Variants in LEPR observed in about 807,000 individuals in gnomAD.
The protein encoded by LEPR is OB receptor.
LEPR carries 56 observed loss-of-function variants against 114.7 expected under a neutral mutation model. The observed-to-expected ratio is 0.49, with a 90% CI of 0.39 to 0.61. LEPR has a LOEUF of 0.61. Among genes scored for constraint, LEPR ranks in the 20% least tolerant of loss-of-function variants. LEPR has a pLI of 0.00. For missense variants in LEPR, 1,202 were observed against 1,352.9 expected (o/e 0.89, Z 1.75); for synonymous variants, 443 against 461.4 (o/e 0.96, Z 0.51).
At chr1:65,496,140 G>A (rs1648142577) in intron 2 of LEPR, among the ~76,000 whole-genome samples, 1 of 151,988 alleles carries the variant, frequency 6.6e-6, no homozygotes. Context: ...GTATATACTT[G>A]TATCAAAATA....
chr1:65,579,741 T>C (rs11208675), intron 5 of LEPR, among the ~76,000 whole-genome samples: 1 of 151,914 alleles, frequency 6.6e-6, no homozygotes, highest in Non-Finnish European at 1.5e-5. Context: ...ATGTGTAAGG[T>C]CTTAAATTCT....
chr1:65,637,051 G>A lies in LEPR; in HGVS notation c.*36G>A. 1.3e-6 allele frequency: 2 copies of A among 1,592,990 alleles called. No homozygotes were observed. The highest frequency in any genetic ancestry group is 1.7e-4 in the Middle Eastern group (1 of 6,018). On this transcript the variant is annotated 3_prime_UTR_variant, in exon 20 of 20. Transcript: ENST00000349533. ...GAAACCTTCAGATTTGTGTTATAAT[G>A]GGTAATATAAAGTGTAATAGATTAT... is the stretch of plus-strand genomic sequence containing the variant.
At chr1:65,429,758 C>T in intron 2 of LEPR, 3 of 1,007,228 alleles carry the variant, frequency 3.0e-6, no homozygotes, top group Non-Finnish European at 4.2e-6. Context: ...AATTTTTTGA[C>T]CTAAACATTT....
At chr1:65,605,009 C>A in intron 10 of LEPR, 29 bp from the exon 11 acceptor site, 1 of 1,606,750 alleles carries the variant, frequency 6.2e-7, no homozygotes, top group Non-Finnish European at 8.5e-7. Context: ...TTAATGTATA[C>A]TAATTGACTA....
intron 19 of LEPR, among the ~76,000 whole-genome samples, chr1:65,631,088 G>A (rs114094602): frequency 0.012 from 1,828 of 152,190 alleles, 36 homozygotes; most frequent in African/African-American, 0.042. Flanking sequence ...GGCAGGGATT[G>A]TTGCCCTGGG....
intron 5 of LEPR, among the ~76,000 whole-genome samples, chr1:65,578,548 A>T (rs1654759334): frequency 6.6e-6 from 1 of 152,134 alleles, no homozygotes; most frequent in African/African-American, 2.4e-5. Flanking sequence ...AAAAGGAGAC[A>T]GTCTTATTCT....
chr1:65,537,338 C>T (rs940965006), intron 2 of LEPR, among the ~76,000 whole-genome samples: 5 of 152,134 alleles, frequency 3.3e-5, no homozygotes, highest in African/African-American at 1.2e-4. Context: ...AAACCAGTAG[C>T]CCTCTGCTCT....
rs3790438 is a variant in LEPR, at chr1:65,619,842, T to A, written c.2396-86T>A. The A allele has an allele frequency of 0.17, 172,269 of 1,018,134 alleles. 15,244 individuals carry two copies. The highest frequency in any genetic ancestry group is 0.26 in the Middle Eastern group (919 of 3,482). 63.1% of individuals were successfully genotyped at this position (1,018,134 alleles called of 1,614,324 possible). On this transcript the variant is annotated intron_variant, in intron 16 of 19. Transcript: ENST00000349533. The stretch of plus-strand genomic sequence containing the variant: ...TTCTATGTTTGGAAATATATGATAG[T>A]CACTTTAATTCTTTTTTAAAATGTA...
intron 2 of LEPR, chr1:65,526,430 G>C (rs1649977873): frequency 2.0e-6 from 2 of 984,948 alleles, no homozygotes; most frequent in Admixed American, 6.2e-5. Context: ...GGAATCATTT[G>C]GGAACCGCAG....
At chr1:65,630,684 G>A (rs917211921) in intron 19 of LEPR, among the ~76,000 whole-genome samples, 4 of 148,226 alleles carry the variant, frequency 2.7e-5, no homozygotes, top group African/African-American at 7.5e-5. Flanking sequence ...TCATATTTTC[G>A]GTTTCTTTGT....
At chr1:65,544,553 A>C (rs1010072238) in intron 2 of LEPR, among the ~76,000 whole-genome samples, 1 of 151,984 alleles carries the variant, frequency 6.6e-6, no homozygotes, top group Non-Finnish European at 1.5e-5. Flanking sequence ...GCTTTTGCCC[A>C]TTCAGTATGA....
intron 5 of LEPR, among the ~76,000 whole-genome samples, chr1:65,589,065 C>A (rs1436788973): frequency 6.6e-6 from 1 of 152,086 alleles, no homozygotes; most frequent in Non-Finnish European, 1.5e-5. Context: ...TCCACATCTT[C>A]ACCAATACTT....
chr1:65,508,195 A>G (rs1648853596), intron 2 of LEPR, among the ~76,000 whole-genome samples: 1 of 152,172 alleles, frequency 6.6e-6, no homozygotes, highest in African/African-American at 2.4e-5. Flanking sequence ...AGTTTGACGC[A>G]ATCCCATCTG....
chr1:65,470,995 G>A (rs974564301), intron 2 of LEPR, among the ~76,000 whole-genome samples: 1 of 152,170 alleles, frequency 6.6e-6, no homozygotes, highest in Non-Finnish European at 1.5e-5. Flanking sequence ...GCTTCTGAAG[G>A]CAGTTTCCCT....
At chr1:65,544,785 A>C (rs1384537625) in intron 2 of LEPR, among the ~76,000 whole-genome samples, 1 of 151,232 alleles carries the variant, frequency 6.6e-6, no homozygotes, top group East Asian at 1.9e-4. Flanking sequence ...AACATTGATA[A>C]ACTTTATTTT....
At position 65,480,921 on chromosome 1, in the gene LEPR, C is replaced by A. The variant is rs549340909; in HGVS notation, c.-21+55543C>A. Among the ~76,000 whole-genome samples the A allele has an allele frequency of 6.6e-5, 10 of 152,264 alleles. No homozygotes were observed. In the South Asian group the frequency reaches 2.1e-3, roughly 32 times the overall value. On this transcript the variant is annotated intron_variant, in intron 2 of 19. Transcript: ENST00000349533. ...ATGTTTTGAACAACTAGCTTACACTCCAATAAATACGTATATATTAGTTTC... is the reference window on the plus strand; with the variant it reads ...ATGTTTTGAACAACTAGCTTACACTACAATAAATACGTATATATTAGTTTC...
intron 12 of LEPR, 71 bp downstream of exon 12, chr1:65,608,972 A>G: frequency 6.4e-7 from 1 of 1,570,338 alleles, no homozygotes; most frequent in South Asian, 1.1e-5. Context: ...GTTTAATTGC[A>G]TTAGATTAAT....
intron 2 of LEPR, among the ~76,000 whole-genome samples, chr1:65,476,320 A>G (rs1215451095): frequency 2.0e-5 from 3 of 151,982 alleles, no homozygotes; most frequent in African/African-American, 4.8e-5. Flanking sequence ...ACATGCTTTT[A>G]GTGGTGGTTA....
intron 2 of LEPR, among the ~76,000 whole-genome samples, chr1:65,515,652 G>A (rs1570591407): frequency 2.0e-5 from 3 of 152,184 alleles, no homozygotes. Flanking sequence ...TAGAGTGTTC[G>A]TTTGTTCTGT....
Sources: gnomAD v4.1 joint callset for allele counts (sites outside exome capture counted in the v4.1 genomes callset) on GRCh38, gnomAD v4.1.1 for gene constraint, MANE v1.5 for transcripts, NCBI Gene and HGNC (gene_info 2026-07-23, HGNC 2026-07-21) for gene names.